Variants in KRT32 observed in about 807,000 individuals in gnomAD.
KRT32 encodes keratin 32, also known as keratin, type I cuticular Ha2.
KRT32 carries 44 observed loss-of-function variants against 41.8 expected under a neutral mutation model. That is an observed-to-expected ratio of 1.05 (90% confidence interval 0.83 to 1.35). KRT32 has a LOEUF of 1.35. Among genes scored for constraint, KRT32 ranks in the 40% most tolerant of loss-of-function variants. The pLI is 0.00. For missense variants in KRT32, 576 were observed against 584.6 expected, an observed-to-expected ratio of 0.99 and a Z score of 0.15; for synonymous variants, 238 against 242.5, an observed-to-expected ratio of 0.98 and a Z score of 0.17.
chr17:41,464,319 G>T lies in KRT32; in HGVS notation c.833C>A (p.Ala278Asp). 1 of 1,609,436 alleles carries T rather than the reference G, an allele frequency of 6.2e-7. No individual in the cohort carries two copies. Among genetic ancestry groups the T allele is most frequent in the Non-Finnish European group, 8.5e-7 (1 of 1,177,494 alleles). The change falls in exon 4 of 7, where the codon GCC (alanine) becomes GAC (aspartate). Residue 278 changes from alanine (A) to aspartate (D), a missense_variant. Coordinates refer to ENST00000225899, the MANE Select transcript of KRT32 (RefSeq NM_002278.3). The stretch of plus-strand genomic sequence containing the variant: ...CCATTCCTCCACGTCCCTGCGGTTG[G>T]CCTCCACCATGGCCTCGTACTGACA... ...MRCQYEAMVEANRRDVEEWFN... is the reference protein window; with the variant it reads ...MRCQYEAMVEDNRRDVEEWFN...
Position 41,465,797 on chromosome 17 carries a change from C to T in KRT32, c.684G>A (p.Met228Ile). The T allele has an allele frequency of 6.2e-7, 1 of 1,612,628 alleles. No homozygotes were observed. The highest frequency in any genetic ancestry group is 1.1e-5 in the South Asian group (1 of 90,976). ...CCTCCTCATGGTTCTTTTTGAGGCA[C>T]ATCAGCTCCTCCTTCAGGGACTCAA... The part of the protein sequence containing the change: ...AQVESLKEEL[M>I]CLKKNHEEEV... Residue 228 changes from methionine (M) to isoleucine (I), a missense_variant, in exon 3 of 7, where the codon ATG (methionine) becomes ATA (isoleucine). Met to Ile is a conservative substitution (Grantham distance 10, BLOSUM62 1). Coordinates refer to ENST00000225899, the MANE Select transcript of KRT32 (RefSeq NM_002278.3).
In KRT32 at chr17:41,464,110, G is replaced by A. The variant is rs749958142; in HGVS notation, c.964C>T (p.Leu322=). Residue 322 remains leucine, a synonymous_variant, in exon 5 of 7, where the codon CTG becomes TTG. Transcript: ENST00000225899. ...IIDLRRTVNT[L]EIELQAQHSL... ...TGCTGGGCCTGCAGCTCGATCTCCA[G>A]CGTGTTGACCGTGCGTCTCAGGTCA... The A allele has an allele frequency of 1.9e-6, 3 of 1,610,582 alleles. No homozygotes were observed. The highest frequency in any genetic ancestry group is 1.7e-6 in the Non-Finnish European group (2 of 1,178,138).
At chr17:41,465,999 C>G (rs1429268084) in intron 2 of KRT32, 70 bp from the exon 3 acceptor site, 1 of 1,600,102 alleles carries the variant, frequency 6.2e-7, no homozygotes, top group Non-Finnish European at 8.6e-7. Context: ...CTTAAACTGC[C>G]GGCACTTTCC....
At chr17:41,463,104 C>A (rs2019024069) in intron 5 of KRT32, 54 bp from the exon 6 acceptor site, 2 of 1,523,478 alleles carry the variant, frequency 1.3e-6, no homozygotes, top group Non-Finnish European at 8.9e-7. Flanking sequence ...CCATGGCCTG[C>A]TTCAGAAAGA....
At position 41,467,168 on chromosome 17, in the gene KRT32, G is replaced by T. The variant is rs904789703; in HGVS notation, c.158C>A (p.Pro53His). The T allele has an allele frequency of 6.2e-7, 1 of 1,613,958 alleles. No homozygotes were observed. The highest frequency in any genetic ancestry group is 8.5e-7 in the Non-Finnish European group (1 of 1,180,046). ...GCAGCTGGCTGGCCGGAAGGTGGTGGGCAGGCAGACCGAAGGCAGGCATGC... is the reference window on the plus strand; with the variant it reads ...GCAGCTGGCTGGCCGGAAGGTGGTGTGCAGGCAGACCGAAGGCAGGCATGC... ...PMACLPSVCLPTTFRPASCLS... is the reference protein window; with the variant it reads ...PMACLPSVCLHTTFRPASCLS... Residue 53 changes from proline to histidine, a missense_variant, in exon 1 of 7, where the codon CCC becomes CAC. Transcript: ENST00000225899.
At chr17:41,463,149 A>G in intron 5 of KRT32, 99 bp from the exon 6 acceptor site, 2 of 1,135,020 alleles carry the variant, frequency 1.8e-6, no homozygotes, top group Non-Finnish European at 2.5e-6. Context: ...TGATGCTGGA[A>G]ATGAGCCCTC....
In KRT32 at chr17:41,464,124, C is replaced by T. The variant is rs144111267; in HGVS notation, c.950G>A (p.Arg317His). Reference sequence around the variant, plus strand: ...CTCGATCTCCAGCGTGTTGACCGTGCGTCTCAGGTCAATGATGTCTGACTG... The same window carrying T: ...CTCGATCTCCAGCGTGTTGACCGTGTGTCTCAGGTCAATGATGTCTGACTG... ...NYQSDIIDLR[R>H]TVNTLEIELQ... is the part of the protein sequence containing the mutation. The change falls in exon 5 of 7, where the codon CGC becomes CAC. Residue 317 changes from arginine to histidine, a missense_variant. Physicochemically the swap from Arg to His is conservative, Grantham distance 29. Coordinates refer to ENST00000225899, the MANE Select transcript of KRT32 (RefSeq NM_002278.3). 854 of 1,612,234 alleles carry T rather than the reference C, an allele frequency of 5.3e-4. 4 individuals are homozygous for T. The African/African-American group carries it at 1.0e-2, about 19-fold the overall frequency.
chr17:41,463,770 A>T (rs1372985522), intron 5 of KRT32, among the ~76,000 whole-genome samples: 1 of 152,150 alleles, frequency 6.6e-6, no homozygotes, highest in Non-Finnish European at 1.5e-5. Context: ...TTGGTCCAGA[A>T]AAGAACCTGG....
intron 6 of KRT32, among the ~76,000 whole-genome samples, chr17:41,460,635 T>C (rs939650893): frequency 1.3e-5 from 2 of 152,064 alleles, no homozygotes; most frequent in South Asian, 4.2e-4. Context: ...CACTCATAAG[T>C]GAGAGTTGAA....
In KRT32 at chr17:41,467,197, G is replaced by C. The variant is rs757565902; in HGVS notation, c.129C>G (p.Pro43=). ...GGCAGACCGAAGGCAGGCATGCCAT[G>C]GGCTGGCAGACATAGCCCAGGCACA... ...PELCLGYVCQ[P]MACLPSVCLP... The change falls in exon 1 of 7, where the codon CCC becomes CCG. Residue 43 remains proline, a synonymous_variant. Transcript: ENST00000225899. 4 of 1,613,806 alleles carry C rather than the reference G, an allele frequency of 2.5e-6. No individual in the cohort carries two copies. The highest frequency in any genetic ancestry group is 3.4e-6 in the Non-Finnish European group (4 of 1,180,006).
chr17:41,463,165 ACCAGT>A (rs1252147499), intron 5 of KRT32, 115 bp from the exon 6 acceptor site: 2 of 946,206 alleles, frequency 2.1e-6, no homozygotes, highest in Non-Finnish European at 3.1e-6. Context: ...CCCTCCCTAC[ACCAGT>A]CACTTTGGAA....
Position 41,460,076 on chromosome 17 carries a change from C to T in KRT32, c.*34G>A. On this transcript the variant is annotated 3_prime_UTR_variant, in exon 7 of 7. Transcript: ENST00000225899. ...CACTGAATACCAGGCTGCCCAGCCCCAGGCCCTCCAGGATCCACTGGCACA... is the reference window on the plus strand; with the variant it reads ...CACTGAATACCAGGCTGCCCAGCCCTAGGCCCTCCAGGATCCACTGGCACA... 1 of 1,566,318 alleles carries T rather than the reference C, an allele frequency of 6.4e-7. No homozygotes were observed. The highest frequency in any genetic ancestry group is 8.6e-7 in the Non-Finnish European group (1 of 1,156,612).
intron 4 of KRT32, 31 bp from the exon 5 acceptor site, chr17:41,464,234 C>T (rs756218572): frequency 1.9e-6 from 3 of 1,590,784 alleles, no homozygotes; most frequent in South Asian, 2.3e-5. Context: ...AGGCTAGAGT[C>T]CCTTCCTAGG....
At chr17:41,460,705 G>T (rs1011678671) in intron 6 of KRT32, among the ~76,000 whole-genome samples, 4 of 152,170 alleles carry the variant, frequency 2.6e-5, no homozygotes. Flanking sequence ...GTCGAGAGGT[G>T]AGGGGAGCAG....
Position 41,460,188 on chromosome 17 carries a change from G to T in KRT32, c.1269C>A (p.Ser423=). 3 of 1,612,420 alleles carry T rather than the reference G, an allele frequency of 1.9e-6. No individual in the cohort carries two copies. Among genetic ancestry groups the T allele is most frequent in the Non-Finnish European group, 2.5e-6 (3 of 1,179,228 alleles). The change falls in exon 7 of 7, where the codon TCC becomes TCA. Residue 423 remains serine, a synonymous_variant. Transcript: ENST00000225899. ...CACAGACGGTGCGGGGCACGCATGGGGAGGGCACACAGGTGGTGCAGGAAG... is the reference window on the plus strand; with the variant it reads ...CACAGACGGTGCGGGGCACGCATGGTGAGGGCACACAGGTGGTGCAGGAAG... ...STPSCTTCVP[S]PCVPRTVCVP...
intron 6 of KRT32, 101 bp downstream of exon 6, chr17:41,462,729 G>A (rs754852867): frequency 1.6e-6 from 2 of 1,277,508 alleles, no homozygotes; most frequent in African/African-American, 1.5e-5. Context: ...GTCAGGACAG[G>A]GTTCTAAGCT....
rs553067866 is a variant in KRT32, at chr17:41,467,019, G to A, written c.307C>T (p.Leu103Phe). 6.2e-7 allele frequency: 1 copy of A among 1,614,292 alleles called. No homozygotes were observed. Among genetic ancestry groups the A allele is most frequent in the South Asian group, 1.1e-5 (1 of 91,090 alleles). ...NGNEKETMQF[L>F]NDRLASYLTR... ...AGGTAGCTGGCCAGGCGGTCGTTAA[G>A]GAACTGCATGGTTTCCTTCTCATTG... Residue 103 changes from leucine (L) to phenylalanine (F), a missense_variant, in exon 1 of 7, where the codon CTT becomes TTT. Coordinates refer to ENST00000225899, the MANE Select transcript of KRT32 (RefSeq NM_002278.3).
In KRT32 at chr17:41,460,049, G is replaced by C. The variant is rs1489916071; in HGVS notation, c.*61C>G. 6.6e-7 allele frequency: 1 copy of C among 1,520,170 alleles called. No homozygotes were observed. The highest frequency in any genetic ancestry group is 8.8e-7 in the Non-Finnish European group (1 of 1,133,682). 94.2% of individuals were successfully genotyped at this position (1,520,170 alleles called of 1,614,324 possible). ...CGGGGCTGGCCCTGCTCTTCTGGTG[G>C]CCACTGAATACCAGGCTGCCCAGCC... is the stretch of plus-strand genomic sequence containing the variant. On this transcript the variant is annotated 3_prime_UTR_variant, in exon 7 of 7. Transcript: ENST00000225899.
In KRT32 at chr17:41,462,931, C is replaced by T. The variant is rs754232946; in HGVS notation, c.1116G>A (p.Leu372=). The change falls in exon 6 of 7, where the codon CTG becomes CTA. Residue 372 remains leucine, a synonymous_variant. Coordinates refer to ENST00000225899, the MANE Select transcript of KRT32 (RefSeq NM_002278.3). The stretch of plus-strand genomic sequence containing the variant: ...CCTGGTACTCCTGGTTCTGCCGCTC[C>T]AGGTCAGCCCGGATCTCAGCCAGCT... ...EAQLAEIRAD[L]ERQNQEYQVL... is the part of the protein sequence containing the mutation. The T allele has an allele frequency of 1.9e-6, 3 of 1,614,106 alleles. No homozygotes were observed. Among genetic ancestry groups the T allele is most frequent in the Non-Finnish European group, 2.5e-6 (3 of 1,180,014 alleles).
Sources: allele counts gnomAD v4.1 joint callset (sites outside exome capture counted in the v4.1 genomes callset), GRCh38; gene constraint gnomAD v4.1.1; transcripts MANE v1.5; gene names NCBI Gene and HGNC (gene_info 2026-07-23, HGNC 2026-07-21).